Variants in LRP4 observed in about 807,000 individuals in gnomAD.
LRP4 encodes LDL receptor related protein 4.
Under a neutral mutation model 220.3 loss-of-function variants are expected in LRP4, and 95 were observed. That is an observed-to-expected ratio of 0.43 (90% CI 0.37 to 0.51). The LOEUF is 0.51. Ranked by LOEUF, LRP4 falls within the 20% of genes least tolerant of loss-of-function variation. The pLI is 0.00. For missense variants in LRP4, 1,925 were observed against 2,567.0 expected, an observed-to-expected ratio of 0.75 and a Z score of 5.40; for synonymous variants, 903 against 954.6, an observed-to-expected ratio of 0.95 and a Z score of 1.00.
intron 3 of LRP4, 134 bp downstream of exon 3, chr11:46,900,128 G>C (rs1941636489): frequency 1.0e-6 from 1 of 956,628 alleles, no homozygotes; most frequent in African/African-American, 1.6e-5. Flanking sequence ...ATCTGACTTC[G>C]AGAGGAAGTG....
At position 46,875,916 on chromosome 11, in the gene LRP4, C is replaced by T. The variant is rs746464834; in HGVS notation, c.3587G>A (p.Gly1196Glu). Residue 1196 changes from glycine (G) to glutamate (E), a missense_variant, in exon 26 of 38, where the codon GGA becomes GAA. This residue lies in a region of LRP4 where 1,244 missense variants were observed against 1,624.9 expected (regional missense o/e 0.77). Coordinates refer to ENST00000378623, the MANE Select transcript of LRP4 (RefSeq NM_002334.4). This position sits in a 1 kb window ranked among gnomAD's most constrained non-coding sequence, Gnocchi z 4.5. Reference sequence around the variant, plus strand: ...CACCGCGCGGTCTGAGCCATCCATTCCGGACCGCTCTAACTTGGCATTCTC... The same window carrying T: ...CACCGCGCGGTCTGAGCCATCCATTTCGGACCGCTCTAACTTGGCATTCTC... The part of the protein sequence containing the change: ...WGENAKLERS[G>E]MDGSDRAVLI... 40 of 1,614,012 alleles carry T rather than the reference C, an allele frequency of 2.5e-5. No homozygotes were observed. The highest frequency in any genetic ancestry group is 3.4e-5 in the Non-Finnish European group (40 of 1,180,020).
chr11:46,879,055 G>A lies in LRP4; in HGVS notation c.3005-17C>T, dbSNP rs778370608. On this transcript the variant is annotated splice_polypyrimidine_tract_variant and intron_variant, in intron 21 of 37. Transcript: ENST00000378623. ...GTGTAGACACTGGGTAGAGAGGAGG[G>A]GATGTTCAATGGGGAGAGCTAGGGC... 10 of 1,614,084 alleles carry A rather than the reference G, an allele frequency of 6.2e-6. No individual in the cohort carries two copies. In the African/African-American group the frequency reaches 8.0e-5, roughly 13 times the overall value.
intron 1 of LRP4, among the ~76,000 whole-genome samples, chr11:46,912,796 G>C (rs1385404682): frequency 6.6e-6 from 1 of 152,190 alleles, no homozygotes; most frequent in African/African-American, 2.4e-5. Context: ...CCTACACCCA[G>C]ACAGAGGGAG....
intron 2 of LRP4, 31 bp from the exon 3 acceptor site, chr11:46,900,409 A>C: frequency 1.5e-6 from 2 of 1,331,072 alleles, no homozygotes; most frequent in Non-Finnish European, 2.2e-6. Flanking sequence ...AGAAAAGTCA[A>C]TCAACCTGGT....
At chr11:46,883,467 C>G (rs1351997419) in intron 19 of LRP4, among the ~76,000 whole-genome samples, 1 of 152,260 alleles carries the variant, frequency 6.6e-6, no homozygotes, top group Non-Finnish European at 1.5e-5. Context: ...CTGCATTTAA[C>G]TAGCCCAACC....
At chr11:46,861,476 G>A (rs551888950) in intron 37 of LRP4, among the ~76,000 whole-genome samples, 5 of 146,766 alleles carry the variant, frequency 3.4e-5, no homozygotes, top group Non-Finnish European at 6.0e-5. Context: ...ATTGGATTAG[G>A]AAAATCTGAA....
chr11:46,864,739 C>T (rs2134766167), intron 35 of LRP4, among the ~76,000 whole-genome samples: 1 of 152,328 alleles, frequency 6.6e-6, no homozygotes, highest in African/African-American at 2.4e-5. Context: ...GCCAGCATCT[C>T]TGATCCCATT....
Position 46,898,980 on chromosome 11 carries a change from A to G in LRP4, c.600T>C (p.Tyr200=), listed in dbSNP as rs1193644235. 6.2e-7 allele frequency: 1 copy of G among 1,613,830 alleles called. No homozygotes were observed. Among genetic ancestry groups the G allele is most frequent in the Non-Finnish European group, 8.5e-7 (1 of 1,180,018 alleles). ...GGTAGATGTCGAGGATGCAGCGTCCATAGGCACACTGGAACTCCTCCAGGT... is the reference window on the plus strand; with the variant it reads ...GGTAGATGTCGAGGATGCAGCGTCCGTAGGCACACTGGAACTCCTCCAGGT... ...PCNLEEFQCA[Y]GRCILDIYHC... The change falls in exon 6 of 38, where the codon TAT becomes TAC. Residue 200 remains tyrosine, a synonymous_variant. Transcript: ENST00000378623.
chr11:46,903,666 C>T (rs1242512769), intron 1 of LRP4, among the ~76,000 whole-genome samples: 1 of 152,210 alleles, frequency 6.6e-6, no homozygotes, highest in Non-Finnish European at 1.5e-5. Flanking sequence ...TTGGACCAGA[C>T]CCTGGGATGT....
At chr11:46,903,830 T>G (rs1222127708) in intron 1 of LRP4, among the ~76,000 whole-genome samples, 1 of 152,226 alleles carries the variant, frequency 6.6e-6, no homozygotes, top group Non-Finnish European at 1.5e-5. Flanking sequence ...AGGGCCTTCC[T>G]GTCTGTGGCA....
At position 46,875,024 on chromosome 11, in the gene LRP4, G is replaced by A. The variant is rs1332384150; in HGVS notation, c.4005C>T (p.Cys1335=). 1.9e-6 allele frequency: 3 copies of A among 1,613,972 alleles called. No homozygotes were observed. The highest frequency in any genetic ancestry group is 3.3e-5 in the Admixed American group (2 of 60,004). ...CTCCCTTCAGCTGGATGCCAGTGGGGCAGGCACAGGAGAAGCCAGAAGGCC... is the reference window on the plus strand; with the variant it reads ...CTCCCTTCAGCTGGATGCCAGTGGGACAGGCACAGGAGAAGCCAGAAGGCC... The part of the protein sequence containing the change: ...LPRPSGFSCA[C]PTGIQLKGDG... Residue 1335 remains cysteine (C), a synonymous_variant, in exon 28 of 38, where the codon TGC becomes TGT. Transcript: ENST00000378623. The surrounding 1 kb of genome is among the most constrained non-coding windows in gnomAD (Gnocchi z 4.5).
intron 20 of LRP4, 143 bp downstream of exon 20, chr11:46,881,559 A>AC (rs1283817561): frequency 1.2e-6 from 1 of 828,012 alleles, no homozygotes; most frequent in East Asian, 2.5e-5. Context: ...GAGAAACAGC[A>AC]CATGCCCCAT....
intron 25 of LRP4, 50 bp downstream of exon 25, chr11:46,876,416 C>T (rs1452247645): frequency 2.5e-6 from 4 of 1,609,776 alleles, no homozygotes; most frequent in Non-Finnish European, 8.5e-7. Flanking sequence ...GTCATAACCC[C>T]AGCTGAGCTG....
intron 1 of LRP4, among the ~76,000 whole-genome samples, chr11:46,908,629 T>C (rs377067331): frequency 2.0e-5 from 3 of 152,234 alleles, no homozygotes; most frequent in Non-Finnish European, 1.5e-5. Context: ...CTCTCTTTTA[T>C]GTGTTCTCCA....
chr11:46,879,128 G>C lies in LRP4; in HGVS notation c.3002C>G (p.Pro1001Arg), dbSNP rs1190359818. ...DIHVFHRRRPPVSTPCAMENG... is the reference protein window; with the variant it reads ...DIHVFHRRRPRVSTPCAMENG... Reference sequence around the variant, plus strand: ...AATGCGAGCCAAGGGCTGCTCACCTGGGGGCCGGCGGCGGTGGAAGACATG... The same window carrying C: ...AATGCGAGCCAAGGGCTGCTCACCTCGGGGCCGGCGGCGGTGGAAGACATG... The change falls in exon 21 of 38, where the codon CCA becomes CGA. Residue 1001 changes from proline (P) to arginine (R), a missense_variant and splice_region_variant. Pro to Arg is a moderately radical substitution (Grantham distance 103). Coordinates refer to ENST00000378623, the MANE Select transcript of LRP4 (RefSeq NM_002334.4). 6.2e-7 allele frequency: 1 copy of C among 1,614,110 alleles called. No individual in the cohort carries two copies. The highest frequency in any genetic ancestry group is 1.1e-5 in the South Asian group (1 of 91,084).
intron 2 of LRP4, among the ~76,000 whole-genome samples, chr11:46,902,532 G>A (rs1463566203): frequency 6.6e-6 from 1 of 152,132 alleles, no homozygotes; most frequent in Non-Finnish European, 1.5e-5. Flanking sequence ...TCCCTGTTGT[G>A]TTCTCTTACA....
At position 46,881,104 on chromosome 11, in the gene LRP4, A is replaced by G. The variant is rs1685566274; in HGVS notation, c.2814+598T>C. Among the ~76,000 whole-genome samples the G allele has an allele frequency of 3.3e-5, 4 of 121,824 alleles. No homozygotes were observed. The South Asian group carries it at 1.2e-3, about 36-fold the overall frequency. 79.9% of individuals were successfully genotyped at this position (121,824 alleles called of 152,430 possible). On this transcript the variant is annotated intron_variant, in intron 20 of 37. Coordinates refer to ENST00000378623, the MANE Select transcript of LRP4 (RefSeq NM_002334.4). ...AAAAAAAGACAGTAATATTGGATCAATGTTAGATTTCCTGATTTTGATCAT... is the reference window on the plus strand; with the variant it reads ...AAAAAAAGACAGTAATATTGGATCAGTGTTAGATTTCCTGATTTTGATCAT...
Position 46,875,928 on chromosome 11 carries a change from A to C in LRP4, c.3575T>G (p.Leu1192Ter). The C allele has an allele frequency of 6.2e-7, 1 of 1,614,110 alleles. No individual in the cohort carries two copies. The highest frequency in any genetic ancestry group is 8.5e-7 in the Non-Finnish European group (1 of 1,180,030). ...TGAGCCATCCATTCCGGACCGCTCT[A>C]ACTTGGCATTCTCCCCCCAGTCTGT... ...YWTDWGENAKLERSGMDGSDR... is the reference protein window; with the variant it reads ...YWTDWGENAK The change falls in exon 26 of 38, where the codon TTA becomes TGA. Residue 1192 changes from leucine to a stop codon, truncating the protein, a stop_gained. Coordinates refer to ENST00000378623, the MANE Select transcript of LRP4 (RefSeq NM_002334.4). LOFTEE classifies it high-confidence loss of function. This position sits in a 1 kb window ranked among gnomAD's most constrained non-coding sequence, Gnocchi z 4.5.
Position 46,883,863 on chromosome 11 carries a change from C to T in LRP4, c.2612+8G>A. 1.2e-6 allele frequency: 2 copies of T among 1,606,934 alleles called. No homozygotes were observed. Among genetic ancestry groups the T allele is most frequent in the Non-Finnish European group, 8.5e-7 (1 of 1,173,488 alleles). On this transcript the variant is annotated splice_region_variant and intron_variant, in intron 19 of 37. Coordinates refer to ENST00000378623, the MANE Select transcript of LRP4 (RefSeq NM_002334.4). Reference sequence around the variant, plus strand: ...GATGGAGCTCATTCCCAAGGGGCAGCCACTCACCCGCCCATGGGTTCCACC... The same window carrying T: ...GATGGAGCTCATTCCCAAGGGGCAGTCACTCACCCGCCCATGGGTTCCACC...
Sources: allele counts gnomAD v4.1 joint callset (sites outside exome capture counted in the v4.1 genomes callset), GRCh38; gene constraint gnomAD v4.1.1; regional missense constraint gnomAD v4.1.1; non-coding constraint Gnocchi (gnomAD v3.1); transcripts MANE v1.5; gene names NCBI Gene and HGNC (gene_info 2026-07-23, HGNC 2026-07-21).